Variants in PDIA3 observed in about 807,000 individuals in gnomAD.
PDIA3 encodes the protein protein disulfide-isomerase A3.
In PDIA3, 16 loss-of-function variants were observed where a neutral mutation model predicts 56.9. The observed-to-expected ratio is 0.28, with a 90% CI of 0.19 to 0.43. PDIA3 has a LOEUF of 0.43. Among genes scored for constraint, PDIA3 ranks in the 20% least tolerant of loss-of-function variants. PDIA3 has a pLI of 1.00. For synonymous variants in PDIA3, 192 were observed against 216.5 expected (o/e 0.89, Z 0.99); for missense variants, 485 against 621.3 (o/e 0.78, Z 2.33).
At chr15:43,753,731 G>A (rs1429379202) in intron 1 of PDIA3, 93 bp from the exon 2 acceptor site, 1 of 869,530 alleles carries the variant, frequency 1.2e-6, no homozygotes, top group Non-Finnish European at 1.9e-6. Flanking sequence ...TAGCTCAAAG[G>A]TAGTATTATA....
chr15:43,763,412 C>A (rs756020834), intron 5 of PDIA3, among the ~76,000 whole-genome samples: 1 of 152,174 alleles, frequency 6.6e-6, no homozygotes, highest in South Asian at 2.1e-4. Flanking sequence ...GCCACCACAC[C>A]CTGCTAATTT....
rs369489213 is a variant in PDIA3 at position 43,770,513 on chromosome 15, C to T, written c.1347-10C>T. 1 of 1,604,802 alleles carries T rather than the reference C, an allele frequency of 6.2e-7. No individual in the cohort carries two copies. Among genetic ancestry groups the T allele is most frequent in the South Asian group, 1.1e-5 (1 of 90,872 alleles). ...AACTGCTTGAAATTAATAAATGTTT[C>T]TTTCCCCAGTTTTCCTACCATATAC... On this transcript the variant is annotated splice_polypyrimidine_tract_variant and intron_variant, in intron 11 of 12. Coordinates refer to ENST00000300289, the MANE Select transcript of PDIA3 (RefSeq NM_005313.5).
At chr15:43,751,133 A>G (rs1341760424) in intron 1 of PDIA3, among the ~76,000 whole-genome samples, 5 of 51,904 alleles carry the variant, frequency 9.6e-5, no homozygotes, top group East Asian at 1.9e-3. Flanking sequence ...CTCCGTCTCG[A>G]AAAAAAAAAA....
chr15:43,770,205 C>G, intron 10 of PDIA3, 45 bp from the exon 11 acceptor site: 16 of 1,440,864 alleles, frequency 1.1e-5, no homozygotes, highest in Non-Finnish European at 1.6e-5. Context: ...GTCCCTCTGT[C>G]ACTGAAAACT....
chr15:43,766,702 G>A (rs1216731056), intron 7 of PDIA3, 26 bp from the exon 8 acceptor site: 1 of 1,607,466 alleles, frequency 6.2e-7, no homozygotes, highest in East Asian at 2.2e-5. Flanking sequence ...TATAGTCTTG[G>A]CACAAATGTC....
At chr15:43,757,864 C>T (rs578202768) in intron 3 of PDIA3, among the ~76,000 whole-genome samples, 6 of 149,774 alleles carry the variant, frequency 4.0e-5, no homozygotes, top group Non-Finnish European at 7.4e-5. Flanking sequence ...TCCATCTCCA[C>T]ACACACAAAG....
At chr15:43,747,740 A>C (rs779796239) in intron 1 of PDIA3, among the ~76,000 whole-genome samples, 7 of 152,156 alleles carry the variant, frequency 4.6e-5, no homozygotes, top group Non-Finnish European at 1.0e-4. Flanking sequence ...GTGTTCAAAA[A>C]TGTCAGTAAA....
At chr15:43,755,730 A>G (rs1351366826) in intron 2 of PDIA3, among the ~76,000 whole-genome samples, 1 of 152,124 alleles carries the variant, frequency 6.6e-6, no homozygotes, top group Non-Finnish European at 1.5e-5. Context: ...CCTGGCCAAC[A>G]TGGTGAAACC....
rs766328001 is a variant in PDIA3, at chr15:43,765,447, A to G, written c.603-3A>G. 1.3e-5 allele frequency: 18 copies of G among 1,434,524 alleles called. No homozygotes were observed. The highest frequency in any genetic ancestry group is 1.6e-5 in the Non-Finnish European group (17 of 1,030,374). The allele number at this position is 1,434,524 out of a possible 1,614,324, so 88.9% of individuals were successfully genotyped here. A position where few individuals can be genotyped will look rare whatever the true frequency, so the allele number is the denominator to read the frequency against. ...ACTGAGACTTTTCTTTTTTTTTTTT[A>G]AGGGGTATCATCTTATTTCGTCCTT... is the stretch of plus-strand genomic sequence containing the variant. On this transcript the variant is annotated splice_polypyrimidine_tract_variant and splice_region_variant and intron_variant, in intron 5 of 12. Transcript: ENST00000300289.
At chr15:43,751,171 A>G (rs977958271) in intron 1 of PDIA3, among the ~76,000 whole-genome samples, 18 of 150,460 alleles carry the variant, frequency 1.2e-4, no homozygotes, top group Admixed American at 9.3e-4. Flanking sequence ...TAATTTCTTT[A>G]CTTGTAATCC....
intron 12 of PDIA3, 45 bp from the exon 13 acceptor site, chr15:43,771,060 G>A (rs768234822): frequency 9.0e-6 from 12 of 1,330,128 alleles, no homozygotes; most frequent in East Asian, 4.7e-5. Context: ...GCAGATCAGG[G>A]TTCTTTAAAA....
At chr15:43,760,397 AAAAT>A (rs2086806815) in intron 3 of PDIA3, among the ~76,000 whole-genome samples, 2 of 93,090 alleles carry the variant, frequency 2.1e-5, no homozygotes, top group South Asian at 7.3e-4. Context: ...TCTCAAAAAA[AAAAT>A]AAAGAAAAGA....
intron 1 of PDIA3, chr15:43,752,837 C>T (rs756690245): frequency 1.5e-5 from 7 of 471,156 alleles, no homozygotes; most frequent in South Asian, 1.1e-4. Context: ...GATCCCTCTG[C>T]AACCCTTTGG....
intron 10 of PDIA3, 50 bp from the exon 11 acceptor site, chr15:43,770,200 T>G (rs1375826907): frequency 5.0e-6 from 7 of 1,400,072 alleles, no homozygotes; most frequent in Non-Finnish European, 7.1e-6. Flanking sequence ...TAAGTGTCCC[T>G]CTGTCACTGA....
In PDIA3 at chr15:43,758,526, C is replaced by T. The variant is rs879363763; in HGVS notation, c.364+1760C>T. On this transcript the variant is annotated intron_variant, in intron 3 of 12. Coordinates refer to ENST00000300289, the MANE Select transcript of PDIA3 (RefSeq NM_005313.5). Reference sequence around the variant, plus strand: ...ATACAAAAATTAGCTGGGTGTGATGCGCATACCTGTAATCCCAGCTACCTG... The same window carrying T: ...ATACAAAAATTAGCTGGGTGTGATGTGCATACCTGTAATCCCAGCTACCTG... Among the ~76,000 whole-genome samples, 17 of 150,344 alleles carry T rather than the reference C, an allele frequency of 1.1e-4. No individual in the cohort carries two copies. The South Asian group carries it at 2.3e-3, about 21-fold the overall frequency.
intron 1 of PDIA3, among the ~76,000 whole-genome samples, chr15:43,753,255 G>C (rs1193942751): frequency 6.6e-6 from 1 of 151,986 alleles, no homozygotes; most frequent in Non-Finnish European, 1.5e-5. Flanking sequence ...TTTTTGTATT[G>C]TCAGTAGAGA....
chr15:43,770,366 A>G (rs1032285916), intron 11 of PDIA3, 37 bp downstream of exon 11: 1 of 1,528,084 alleles, frequency 6.5e-7, no homozygotes, highest in Non-Finnish European at 9.1e-7. Context: ...TGTCTAGGCA[A>G]TAGATAGGAA....
chr15:43,769,251 G>C (rs2086866956), intron 9 of PDIA3, among the ~76,000 whole-genome samples: 1 of 152,176 alleles, frequency 6.6e-6, no homozygotes, highest in Non-Finnish European at 1.5e-5. Context: ...ACCAAGCTTG[G>C]CTTGAAATTA....
At chr15:43,760,310 G>A (rs2086806120) in intron 3 of PDIA3, among the ~76,000 whole-genome samples, 1 of 151,152 alleles carries the variant, frequency 6.6e-6, no homozygotes, top group African/African-American at 2.4e-5. Context: ...AGGTCTGATT[G>A]ACCCTGGGAG....
Sources: gnomAD v4.1 joint callset for allele counts (sites outside exome capture counted in the v4.1 genomes callset) on GRCh38, gnomAD v4.1.1 for gene constraint, MANE v1.5 for transcripts, NCBI Gene and HGNC (gene_info 2026-07-23, HGNC 2026-07-21) for gene names.